TBL1XR1: variants seen among roughly 807,000 people sequenced by gnomAD.
The protein encoded by TBL1XR1 is F-box-like/WD repeat-containing protein TBL1XR1.
Under a neutral mutation model 66.9 loss-of-function variants are expected in TBL1XR1, and 5 were observed. That is an observed-to-expected ratio of 0.07 (90% CI 0.04 to 0.16). TBL1XR1 has a LOEUF of 0.16. Among genes scored for constraint, TBL1XR1 ranks in the 10% least tolerant of loss-of-function variants. The pLI, the probability that TBL1XR1 is intolerant of heterozygous loss-of-function variation, is 1.00. For synonymous variants in TBL1XR1, 210 were observed against 206.0 expected (o/e 1.02, Z -0.17); for missense variants, 238 against 623.2 (o/e 0.38, Z 6.58).
In TBL1XR1 at chr3:177,034,192, T is replaced by C; in HGVS notation, c.1250+6A>G. On this transcript the variant is annotated splice_donor_region_variant and intron_variant, in intron 13 of 15. Coordinates refer to ENST00000457928, the MANE Select transcript of TBL1XR1 (RefSeq NM_024665.7). ...CATAAAAGGAAAAATGAAACAGAAG[T>C]ATCACCTTGCTAACATAAGGTTGGC... 6.2e-7 allele frequency: 1 copy of C among 1,602,540 alleles called. No homozygotes were observed. The highest frequency in any genetic ancestry group is 8.5e-7 in the Non-Finnish European group (1 of 1,177,118).
intron 1 of TBL1XR1, among the ~76,000 whole-genome samples, chr3:177,194,652 T>G (rs182945522): frequency 6.0e-4 from 91 of 152,194 alleles, no homozygotes; most frequent in Non-Finnish European, 4.9e-4. Context: ...TCAAAAGGTC[T>G]ATTAATACAT....
intron 2 of TBL1XR1, among the ~76,000 whole-genome samples, chr3:177,077,130 A>G (rs989236734): frequency 6.6e-6 from 1 of 152,234 alleles, no homozygotes; most frequent in African/African-American, 2.4e-5. Context: ...GTAAACCAGT[A>G]AAACTGTCTA....
chr3:177,078,514 G>A (rs1280827967), intron 2 of TBL1XR1: 3 of 151,236 alleles, frequency 2.0e-5, no homozygotes, highest in Non-Finnish European at 4.4e-5. Flanking sequence ...GGGCCCAGGA[G>A]TTTGAGGCTG....
chr3:177,025,324 G>C lies in TBL1XR1; in HGVS notation c.*174C>G. On this transcript the variant is annotated 3_prime_UTR_variant, in exon 16 of 16. Coordinates refer to ENST00000457928, the MANE Select transcript of TBL1XR1 (RefSeq NM_024665.7). ...AATTCACAAGCTGTGACAAAACTCT[G>C]TCATCTTCAGGGTGCAATTTTGTTT... 2.0e-6 allele frequency: 1 copy of C among 491,554 alleles called. No individual in the cohort carries two copies. The highest frequency in any genetic ancestry group is 3.5e-6 in the Non-Finnish European group (1 of 284,736). 30.4% of individuals were successfully genotyped at this position (491,554 alleles called of 1,614,324 possible).
chr3:177,028,667 T>G (rs1465456670), intron 14 of TBL1XR1, among the ~76,000 whole-genome samples: 1 of 152,144 alleles, frequency 6.6e-6, no homozygotes, highest in Admixed American at 6.5e-5. Context: ...TCAATAACGA[T>G]TTTCCCTAAT....
intron 1 of TBL1XR1, among the ~76,000 whole-genome samples, chr3:177,173,979 G>T (rs1211147675): frequency 1.3e-5 from 2 of 152,106 alleles, no homozygotes; most frequent in Admixed American, 1.3e-4. Flanking sequence ...TAGAAGTGTT[G>T]TCAAAATATA....
chr3:177,110,549 G>C (rs1470625039), intron 1 of TBL1XR1, among the ~76,000 whole-genome samples: 2 of 152,130 alleles, frequency 1.3e-5, no homozygotes, highest in Non-Finnish European at 2.9e-5. Flanking sequence ...AGACAAAGAG[G>C]AGGCAAAGGA....
chr3:177,031,439 TTC>T (rs1480603600), intron 14 of TBL1XR1, among the ~76,000 whole-genome samples: 2 of 151,414 alleles, frequency 1.3e-5, no homozygotes, highest in Non-Finnish European at 2.9e-5. Context: ...GTTCAAGCAA[TTC>T]TCCTGCCTCA....
intron 8 of TBL1XR1, 32 bp from the exon 9 acceptor site, chr3:177,047,429 TTTAAA>T (rs761034651): frequency 8.7e-6 from 14 of 1,603,394 alleles, no homozygotes; most frequent in Non-Finnish European, 1.2e-5. Context: ...TTAACATTAT[TTTAAA>T]TTTTCTATCT....
intron 10 of TBL1XR1, among the ~76,000 whole-genome samples, chr3:177,045,752 C>T (rs1716247617): frequency 6.6e-6 from 1 of 151,882 alleles, no homozygotes; most frequent in South Asian, 2.1e-4. Context: ...TTATTATTAT[C>T]CCTCATTTAC....
intron 1 of TBL1XR1, among the ~76,000 whole-genome samples, chr3:177,114,117 A>G (rs994171167): frequency 6.6e-6 from 1 of 152,118 alleles, no homozygotes; most frequent in African/African-American, 2.4e-5. Flanking sequence ...AATGTAGAGT[A>G]GATGTTATGT....
In TBL1XR1 at chr3:177,091,303, G is replaced by A. The variant is rs181445482; in HGVS notation, c.-46+7163C>T. The A allele has an allele frequency of 5.3e-5, 8 of 151,820 alleles. No homozygotes were observed. The East Asian group carries it at 1.4e-3, about 26-fold the overall frequency. The allele number at this position is 151,820 out of a possible 1,614,324, so 9.4% of individuals were successfully genotyped here. ...TTATGTTTATTTTCTACATTTACAT[G>A]TACTTAAAGTACTTATAAAGTACAT... On this transcript the variant is annotated intron_variant, in intron 2 of 15. Coordinates refer to ENST00000457928, the MANE Select transcript of TBL1XR1 (RefSeq NM_024665.7).
intron 1 of TBL1XR1, among the ~76,000 whole-genome samples, chr3:177,127,110 A>C (rs917982361): frequency 1.3e-5 from 2 of 152,174 alleles, no homozygotes; most frequent in Non-Finnish European, 2.9e-5. Context: ...CCTGCTGCCC[A>C]AGTATAATTC....
upstream of TBL1XR1, among the ~76,000 whole-genome samples, chr3:177,199,379 CT>C (rs11293475): frequency 0.56 from 80,697 of 145,036 alleles, 22,051 homozygotes; most frequent in East Asian, 0.75. Context: ...TAGTATCTTC[CT>C]TTTTTTTTTT....
intron 1 of TBL1XR1, among the ~76,000 whole-genome samples, chr3:177,186,310 A>G (rs546344983): frequency 2.0e-5 from 3 of 152,248 alleles, no homozygotes; most frequent in African/African-American, 7.2e-5. Flanking sequence ...TTACATTGTT[A>G]TATGAATGAG....
At chr3:177,156,433 A>G (rs1234849423) in intron 1 of TBL1XR1, among the ~76,000 whole-genome samples, 5 of 151,394 alleles carry the variant, frequency 3.3e-5, no homozygotes, top group South Asian at 2.1e-4. Flanking sequence ...CAGGAGGCAG[A>G]GGTTGCAGTG....
At chr3:177,201,795 C>T (rs1320992181), upstream of TBL1XR1, 5 of 152,220 alleles carry the variant, frequency 3.3e-5, no homozygotes, top group Non-Finnish European at 7.3e-5. Flanking sequence ...CTTGCTGATA[C>T]TCTGTGATGT....
chr3:177,171,143 CA>C (rs1733440371), intron 1 of TBL1XR1, among the ~76,000 whole-genome samples: 2 of 150,744 alleles, frequency 1.3e-5, no homozygotes, highest in Non-Finnish European at 3.0e-5. Flanking sequence ...GTGTTTAAGA[CA>C]CACCTGACCA....
intron 1 of TBL1XR1, among the ~76,000 whole-genome samples, chr3:177,115,140 T>C (rs1328084931): frequency 6.6e-6 from 1 of 152,078 alleles, no homozygotes; most frequent in African/African-American, 2.4e-5. Flanking sequence ...CAGAGTACAG[T>C]GTAATGCCAT....
Sources: allele counts gnomAD v4.1 joint callset (sites outside exome capture counted in the v4.1 genomes callset), GRCh38; gene constraint gnomAD v4.1.1; transcripts MANE v1.5; gene names NCBI Gene and HGNC (gene_info 2026-07-23, HGNC 2026-07-21).